CFAP44: variants seen among roughly 807,000 people sequenced by gnomAD.
CFAP44 encodes cilia and flagella associated protein 44.
A neutral mutation model predicts 216.2 loss-of-function variants in CFAP44; 134 were observed. The observed-to-expected ratio is 0.62, with a 90% CI of 0.54 to 0.72. CFAP44 has a LOEUF of 0.72. Ranked by LOEUF, CFAP44 falls within the 30% of genes least tolerant of loss-of-function variation. CFAP44 has a pLI of 0.00. For synonymous variants in CFAP44, 700 were observed against 727.6 expected (o/e 0.96, Z 0.61); for missense variants, 2,035 against 2,182.1 (o/e 0.93, Z 1.34).
In CFAP44 at chr3:113,390,134, A is replaced by G. The variant is rs559379793; in HGVS notation, c.1890+5616T>C. Among the ~76,000 whole-genome samples the G allele has an allele frequency of 5.3e-5, 8 of 152,304 alleles. No individual in the cohort carries two copies. In the South Asian group the frequency reaches 1.5e-3, roughly 28 times the overall value. On this transcript the variant is annotated intron_variant, in intron 15 of 34. Transcript: ENST00000393845. Reference sequence around the variant, plus strand: ...CAAACTGAATTCAACAACACATTAAAAAGATCATTCATCATGGCCAAGTGG... The same window carrying G: ...CAAACTGAATTCAACAACACATTAAGAAGATCATTCATCATGGCCAAGTGG...
chr3:113,327,842 G>C, intron 26 of CFAP44, 23 bp from the exon 27 acceptor site: 9 of 1,532,804 alleles, frequency 5.9e-6, no homozygotes, highest in Non-Finnish European at 7.9e-6. Context: ...AAATATTTGC[G>C]GATACGTTAG....
At chr3:113,329,390 T>C (rs984052814) in intron 26 of CFAP44, among the ~76,000 whole-genome samples, 6 of 151,980 alleles carry the variant, frequency 3.9e-5, no homozygotes, top group Non-Finnish European at 7.4e-5. Flanking sequence ...AAAGCACAGA[T>C]GCAAAACTCA....
At chr3:113,297,929 C>T (rs980112974) in intron 32 of CFAP44, among the ~76,000 whole-genome samples, 1 of 152,206 alleles carries the variant, frequency 6.6e-6, no homozygotes, top group Non-Finnish European at 1.5e-5. Context: ...GGCATGGCTG[C>T]CATTATGCAC....
intron 27 of CFAP44, among the ~76,000 whole-genome samples, chr3:113,327,170 C>T (rs976904665): frequency 6.6e-6 from 1 of 152,082 alleles, no homozygotes; most frequent in Non-Finnish European, 1.5e-5. Flanking sequence ...AAAGGAACCT[C>T]ATTTCTTATG....
rs776850747 is a variant in CFAP44 at position 113,291,320 on chromosome 3, A to G, written c.*237T>C. 1 of 428,284 alleles carries G rather than the reference A, an allele frequency of 2.3e-6. No individual in the cohort carries two copies. The highest frequency in any genetic ancestry group is 1.9e-5 in the African/African-American group (1 of 51,464). The allele number at this position is 428,284 out of a possible 1,614,324, so 26.5% of individuals were successfully genotyped here. ...CCTTCCGAGACTTCATATTCAATCT[A>G]GTAGGTTCGAAACATCTAAAATGAT... On this transcript the variant is annotated 3_prime_UTR_variant, in exon 35 of 35. Coordinates refer to ENST00000393845, the MANE Select transcript of CFAP44 (RefSeq NM_001164496.2).
At chr3:113,312,249 T>TTC (rs2107797899) in intron 28 of CFAP44, among the ~76,000 whole-genome samples, 1 of 150,066 alleles carries the variant, frequency 6.7e-6, no homozygotes, top group African/African-American at 2.5e-5. Flanking sequence ...TTTTTTTTTT[T>TTC]TTTTTTTGTA....
In CFAP44 at chr3:113,330,270, C is replaced by T. The variant is rs1229213220; in HGVS notation, c.4014G>A (p.Lys1338=). 2.0e-6 allele frequency: 3 copies of T among 1,537,352 alleles called. No homozygotes were observed. The highest frequency in any genetic ancestry group is 1.2e-5 in the South Asian group (1 of 84,056). ...KASTFSLDIP[K]CLEFEKAEPT... Reference sequence around the variant, plus strand: ...GCTCTGCTTTTTCAAATTCCAAACACTTTGGTATATCTAGGCTGAATGTTG... The same window carrying T: ...GCTCTGCTTTTTCAAATTCCAAACATTTTGGTATATCTAGGCTGAATGTTG... The change falls in exon 26 of 35, where the codon AAG becomes AAA. Residue 1338 remains lysine (K), a synonymous_variant. Coordinates refer to ENST00000393845, the MANE Select transcript of CFAP44 (RefSeq NM_001164496.2).
intron 22 of CFAP44, among the ~76,000 whole-genome samples, chr3:113,357,888 AC>A (rs1199924422): frequency 6.6e-6 from 1 of 152,210 alleles, no homozygotes; most frequent in African/African-American, 2.4e-5. Flanking sequence ...AAAAACGTAC[AC>A]AATGTTCATA....
chr3:113,380,313 C>G (rs1933473237), intron 16 of CFAP44, among the ~76,000 whole-genome samples: 1 of 152,150 alleles, frequency 6.6e-6, no homozygotes, highest in Non-Finnish European at 1.5e-5. Context: ...AACAAATTGC[C>G]TCCCTATATT....
chr3:113,296,840 C>A lies in CFAP44; in HGVS notation c.5123G>T (p.Arg1708Leu), dbSNP rs201886712. The change falls in exon 33 of 35, where the codon CGT (arginine) becomes CTT (leucine). Residue 1708 changes from arginine (R) to leucine (L), a missense_variant. By Grantham distance (102) the Arg-to-Leu change is moderately radical. Around this residue, in one of 3 missense-constraint regions of CFAP44, gnomAD observed 1,883 missense variants for 2,023.7 expected, o/e 0.93. Transcript: ENST00000393845. ...TTGAAGGGCTTCTAGATTTACCACACGGCCAAACTTGCTGATCATGAGCTG... is the reference window on the plus strand; with the variant it reads ...TTGAAGGGCTTCTAGATTTACCACAAGGCCAAACTTGCTGATCATGAGCTG... The part of the protein sequence containing the change: ...VRQLMISKFG[R>L]VVNLEALQTL... 1 of 1,537,378 alleles carries A rather than the reference C, an allele frequency of 6.5e-7. No homozygotes were observed. The highest frequency in any genetic ancestry group is 8.7e-7 in the Non-Finnish European group (1 of 1,146,928).
At chr3:113,301,546 C>T (rs928167345) in intron 32 of CFAP44, among the ~76,000 whole-genome samples, 7 of 151,976 alleles carry the variant, frequency 4.6e-5, no homozygotes, top group African/African-American at 1.7e-4. Context: ...ATCTTTATAC[C>T]ATACATCTTA....
chr3:113,354,467 C>T (rs974713379), intron 22 of CFAP44, among the ~76,000 whole-genome samples: 1 of 152,150 alleles, frequency 6.6e-6, no homozygotes, highest in Admixed American at 6.5e-5. Context: ...AGGAGTGAGA[C>T]CAGCCTTTAG....
intron 34 of CFAP44, chr3:113,294,143 G>T (rs1291436419): frequency 4.5e-6 from 2 of 442,286 alleles, no homozygotes; most frequent in Non-Finnish European, 9.0e-6. Context: ...CTATACATGT[G>T]TTAGGTTTGT....
At chr3:113,422,568 G>A (rs1934846182) in intron 4 of CFAP44, among the ~76,000 whole-genome samples, 4 of 152,290 alleles carry the variant, frequency 2.6e-5, no homozygotes, top group Middle Eastern at 6.8e-3. Context: ...ATTAAATCTT[G>A]TATAGAAATG....
chr3:113,325,843 T>C (rs1950184858), intron 28 of CFAP44, among the ~76,000 whole-genome samples: 1 of 152,198 alleles, frequency 6.6e-6, no homozygotes, highest in South Asian at 2.1e-4. Flanking sequence ...AAGACTGTAG[T>C]ATTGGTGAAA....
At chr3:113,342,879 G>T (rs1450887558) in intron 23 of CFAP44, among the ~76,000 whole-genome samples, 1 of 151,638 alleles carries the variant, frequency 6.6e-6, no homozygotes, top group Admixed American at 6.6e-5. Context: ...AGTTACTCAG[G>T]AGGCTGAAGT....
rs867957849 is a variant in CFAP44, at chr3:113,290,437, T to C, written c.*1120A>G. 1.3e-5 allele frequency: 2 copies of C among 152,242 alleles called. No homozygotes were observed. Among genetic ancestry groups the C allele is most frequent in the South Asian group, 4.1e-4 (2 of 4,828 alleles). 9.4% of individuals were successfully genotyped at this position (152,242 alleles called of 1,614,324 possible). Reference sequence around the variant, plus strand: ...GAAGACTTGGCATTGCTGAGTTCCCTTCTACATTTATGCAATGTTCCTTTC... The same window carrying C: ...GAAGACTTGGCATTGCTGAGTTCCCCTCTACATTTATGCAATGTTCCTTTC... On this transcript the variant is annotated 3_prime_UTR_variant, in exon 35 of 35. Transcript: ENST00000393845.
chr3:113,320,422 T>C (rs949694341), intron 28 of CFAP44, among the ~76,000 whole-genome samples: 10 of 145,290 alleles, frequency 6.9e-5, no homozygotes, highest in Non-Finnish European at 1.2e-4. Context: ...ATGATATATA[T>C]ATGATATATA....
chr3:113,364,483 C>T (rs1950569887), intron 19 of CFAP44, among the ~76,000 whole-genome samples: 1 of 152,056 alleles, frequency 6.6e-6, no homozygotes, highest in Non-Finnish European at 1.5e-5. Context: ...ACAGTAATGG[C>T]TAATAAATTG....
Sources: allele counts gnomAD v4.1 joint callset (sites outside exome capture counted in the v4.1 genomes callset), GRCh38; gene constraint gnomAD v4.1.1; regional missense constraint gnomAD v4.1.1; transcripts MANE v1.5; gene names NCBI Gene and HGNC (gene_info 2026-07-23, HGNC 2026-07-21).